DORIP1: variants seen among roughly 807,000 people sequenced by gnomAD.
DORIP1 encodes the protein dopamine receptor-interacting protein 1.
chr14:44,898,487 C>T, the DORIP1 span, among the ~76,000 whole-genome samples: 1 of 152,188 alleles, frequency 6.6e-6, no homozygotes, highest in South Asian at 2.1e-4. Flanking sequence ...TTTAGGAATC[C>T]GAACTCAGGC....
At chr14:44,897,576 G>A in the DORIP1 span, 1 of 172,592 alleles carries the variant, frequency 5.8e-6, no homozygotes, top group South Asian at 1.1e-4. Context: ...GAGGTACGAG[G>A]AGTTTGCTTC....
the DORIP1 span, chr14:44,904,271 T>A: frequency 6.9e-7 from 1 of 1,449,410 alleles, no homozygotes; most frequent in South Asian, 1.7e-5. Flanking sequence ...CTATAGGTAT[T>A]AACCATTACC....
At chr14:44,900,608 C>A in the DORIP1 span, 10 of 1,609,868 alleles carry the variant, frequency 6.2e-6, no homozygotes, top group Non-Finnish European at 5.1e-6. Flanking sequence ...AATACCTGCA[C>A]CATAGATGGA....
the DORIP1 span, among the ~76,000 whole-genome samples, chr14:44,901,131 A>C: frequency 6.6e-6 from 1 of 152,330 alleles, no homozygotes; most frequent in East Asian, 1.9e-4. Context: ...TAGGTACACA[A>C]AGACTTACCA....
chr14:44,905,383 G>A, the DORIP1 span: 1 of 1,528,050 alleles, frequency 6.5e-7, no homozygotes, highest in Non-Finnish European at 8.9e-7. Flanking sequence ...GTTGGAAGGT[G>A]CCACATTATT....
At chr14:44,901,071 T>C in the DORIP1 span, 4 of 1,038,072 alleles carry the variant, frequency 3.9e-6, no homozygotes, top group African/African-American at 4.9e-5. Flanking sequence ...GGACCACATA[T>C]GCCATGCTGG....
chr14:44,905,727 G>A, the DORIP1 span: 1 of 392,634 alleles, frequency 2.5e-6, no homozygotes, highest in Non-Finnish European at 4.4e-6. Flanking sequence ...GTGCAAAAAT[G>A]TTTGTAATTT....
chr14:44,903,747 CTGAT>C, the DORIP1 span: 13 of 964,244 alleles, frequency 1.3e-5, no homozygotes, highest in South Asian at 4.8e-5. Context: ...GATCTTATTG[CTGAT>C]TAATTACAAA....
chr14:44,900,402 TTA>T, the DORIP1 span: 1 of 1,405,152 alleles, frequency 7.1e-7, no homozygotes, highest in Non-Finnish European at 9.4e-7. Flanking sequence ...AGTTACAATT[TTA>T]TGTGTTCTGT....
At chr14:44,903,080 G>T in the DORIP1 span, 2 of 583,248 alleles carry the variant, frequency 3.4e-6, no homozygotes, top group Non-Finnish European at 3.1e-6. Context: ...AATTCTGAAT[G>T]TGTCATAAAG....
chr14:44,903,511 A>C, the DORIP1 span: 1 of 1,137,580 alleles, frequency 8.8e-7, no homozygotes, highest in Non-Finnish European at 1.1e-6. Flanking sequence ...TTCCCCCCCC[A>C]CTGCTGAGTA....
the DORIP1 span, chr14:44,907,169 GGTT>G: frequency 6.6e-6 from 1 of 152,544 alleles, no homozygotes; most frequent in Non-Finnish European, 1.5e-5. Context: ...TACCTCACAG[GGTT>G]GTTGTGAGGA....
chr14:44,906,414 G>A, the DORIP1 span: 4 of 152,166 alleles, frequency 2.6e-5, no homozygotes, highest in East Asian at 1.9e-4. Context: ...GGGGAAATGC[G>A]TGCCTGGAAA....
At chr14:44,903,674 C>A in the DORIP1 span, 57 of 985,534 alleles carry the variant, frequency 5.8e-5, no homozygotes, top group Non-Finnish European at 6.4e-5. Flanking sequence ...CATATTCATC[C>A]CAATCTCTTA....
chr14:44,903,632 A>T, the DORIP1 span: 1 of 999,046 alleles, frequency 1.0e-6, no homozygotes, highest in Non-Finnish European at 1.2e-6. Flanking sequence ...CAACTAAAAA[A>T]CTTAACCTAG....
At chr14:44,900,282 G>C in the DORIP1 span, 1 of 597,872 alleles carries the variant, frequency 1.7e-6, no homozygotes, top group South Asian at 4.5e-5. Context: ...TGCGCGAAAA[G>C]TGGCTCATTT....
chr14:44,904,681 CAG>C, the DORIP1 span: 2 of 854,408 alleles, frequency 2.3e-6, no homozygotes, highest in Non-Finnish European at 3.3e-6. Flanking sequence ...GAATTTATTA[CAG>C]AGAGTCAGTT....
the DORIP1 span, chr14:44,899,330 G>A: frequency 6.6e-6 from 1 of 152,184 alleles, no homozygotes; most frequent in East Asian, 1.9e-4. Context: ...ACATGCATAG[G>A]GAATAATCAG....
chr14:44,903,839 C>T, the DORIP1 span: 20 of 984,930 alleles, frequency 2.0e-5, no homozygotes, highest in Non-Finnish European at 2.4e-5. Context: ...GCAACAAATA[C>T]TGAAACAGAT....
Sources: gnomAD v4.1 joint callset for allele counts (sites outside exome capture counted in the v4.1 genomes callset) on GRCh38, gnomAD v4.1.1 for gene constraint, MANE v1.5 for transcripts, NCBI Gene and HGNC (gene_info 2026-07-23, HGNC 2026-07-21) for gene names.